Variants in DLGAP3 observed in about 807,000 individuals in gnomAD.
DLGAP3 encodes disks large-associated protein 3.
DLGAP3 carries 17 observed loss-of-function variants against 81.2 expected under a neutral mutation model. That is an observed-to-expected ratio of 0.21 (90% confidence interval 0.14 to 0.31). DLGAP3 has a LOEUF of 0.31. Among genes scored for constraint, DLGAP3 ranks in the 10% least tolerant of loss-of-function variants. The probability of loss-of-function intolerance (pLI) is 1.00; values close to 1 mark genes in which losing one functional copy is unlikely to be tolerated. For synonymous variants in DLGAP3, 577 were observed against 587.4 expected, an observed-to-expected ratio of 0.98 and a Z score of 0.26; for missense variants, 1,124 against 1,388.0, an observed-to-expected ratio of 0.81 and a Z score of 3.02.
chr1:34,924,786 G>A (rs906353259), intron 1 of DLGAP3, among the ~76,000 whole-genome samples: 1 of 152,246 alleles, frequency 6.6e-6, no homozygotes, highest in East Asian at 1.9e-4. Context: ...CAAAAGGGGA[G>A]AGGGGCCCCT....
At chr1:34,871,392 C>G (rs1323233049) in intron 8 of DLGAP3, among the ~76,000 whole-genome samples, 3 of 152,166 alleles carry the variant, frequency 2.0e-5, no homozygotes, top group African/African-American at 7.2e-5. Flanking sequence ...CCTGTTTTAC[C>G]TGTTTCACCC....
At chr1:34,925,181 C>A (rs1017719966) in intron 1 of DLGAP3, among the ~76,000 whole-genome samples, 27 of 129,198 alleles carry the variant, frequency 2.1e-4, no homozygotes, top group African/African-American at 1.1e-3. Context: ...GGGCACCTGA[C>A]AACCCCCCCC....
intron 11 of DLGAP3, 84 bp from the exon 12 acceptor site, chr1:34,866,385 G>A: frequency 1.7e-6 from 2 of 1,205,024 alleles, no homozygotes; most frequent in South Asian, 3.2e-5. Flanking sequence ...CGCGCCCAGA[G>A]TGCTGACGAC....
chr1:34,921,176 C>G (rs537856810), intron 1 of DLGAP3, among the ~76,000 whole-genome samples: 6 of 152,190 alleles, frequency 3.9e-5, no homozygotes, highest in Non-Finnish European at 5.9e-5. Flanking sequence ...ACACGTAGCA[C>G]TCACGTTGCT....
chr1:34,904,579 T>C lies in DLGAP3; in HGVS notation c.805A>G (p.Ser269Gly). ...GWWSSDDNLDSDSGFLAGGRP... is the reference protein window; with the variant it reads ...GWWSSDDNLDGDSGFLAGGRP... ...CCACCCGCCAGGAAGCCGCTATCACTGTCCAAGTTGTCATCGGAACTCCAC... is the reference window on the plus strand; with the variant it reads ...CCACCCGCCAGGAAGCCGCTATCACCGTCCAAGTTGTCATCGGAACTCCAC... The change falls in exon 3 of 12, where the codon AGT becomes GGT. Residue 269 changes from serine to glycine, a missense_variant. Around this residue, in one of 9 missense-constraint regions of DLGAP3, gnomAD observed 357 missense variants for 408.8 expected, o/e 0.87. Coordinates refer to ENST00000373347, the MANE Select transcript of DLGAP3 (RefSeq NM_001080418.3). This position sits in a 1 kb window ranked among gnomAD's most constrained non-coding sequence, Gnocchi z 8.1. The C allele has an allele frequency of 6.2e-7, 1 of 1,614,222 alleles. No individual in the cohort carries two copies.
intron 8 of DLGAP3, 36 bp downstream of exon 8, chr1:34,884,942 C>G (rs1639194834): frequency 6.6e-7 from 1 of 1,512,208 alleles, no homozygotes; most frequent in South Asian, 1.1e-5. Context: ...CCTCCTGTCT[C>G]CCAGCGAAGC....
intron 1 of DLGAP3, among the ~76,000 whole-genome samples, chr1:34,928,102 C>T (rs749443226): frequency 5.3e-5 from 8 of 152,110 alleles, no homozygotes; most frequent in Non-Finnish European, 1.2e-4. Context: ...AAGAAGAGTT[C>T]AGAGGGCAGC....
chr1:34,887,012 T>C (rs558600649), intron 5 of DLGAP3, among the ~76,000 whole-genome samples: 15 of 133,856 alleles, frequency 1.1e-4, no homozygotes, highest in African/African-American at 3.7e-4. Flanking sequence ...TGGAGTGCAG[T>C]GGCGCGATCT....
chr1:34,875,924 G>T (rs148164112), intron 8 of DLGAP3, among the ~76,000 whole-genome samples: 1 of 152,308 alleles, frequency 6.6e-6, no homozygotes, highest in East Asian at 1.9e-4. Context: ...GACCCCTCTG[G>T]CAGACTCAAA....
Position 34,885,880 on chromosome 1 carries a change from G to A in DLGAP3, c.1601-89C>T, listed in dbSNP as rs998422020. 12 of 1,218,390 alleles carry A rather than the reference G, an allele frequency of 9.8e-6. No homozygotes were observed. In the African/African-American group the frequency reaches 1.5e-4, roughly 16 times the overall value. The allele number at this position is 1,218,390 out of a possible 1,614,324, so 75.5% of individuals were successfully genotyped here. On this transcript the variant is annotated intron_variant, in intron 6 of 11. Transcript: ENST00000373347. ...CGCGCCCGACTCCCACCCTCAAGAGGCCCTACGGGACCCTGCAGCGGCGCG... is the reference window on the plus strand; with the variant it reads ...CGCGCCCGACTCCCACCCTCAAGAGACCCTACGGGACCCTGCAGCGGCGCG...
Position 34,902,905 on chromosome 1 carries a change from G to A in DLGAP3, c.1107+1372C>T, listed in dbSNP as rs959907082. Among the ~76,000 whole-genome samples the A allele has an allele frequency of 2.0e-5, 3 of 152,110 alleles. No individual in the cohort carries two copies. Among genetic ancestry groups the A allele is most frequent in the Non-Finnish European group, 4.4e-5 (3 of 68,000 alleles). On this transcript the variant is annotated intron_variant, in intron 3 of 11. Transcript: ENST00000373347. The surrounding 1 kb of genome is among the most constrained non-coding windows in gnomAD (Gnocchi z 4.4). ...ATCGGCTATGGGGGAGAAAGGATGG[G>A]TGCTGCCTCCCTGCACCCTGCAGTT... is the stretch of plus-strand genomic sequence containing the variant.
chr1:34,874,722 A>G (rs1364457697), intron 8 of DLGAP3, among the ~76,000 whole-genome samples: 2 of 151,946 alleles, frequency 1.3e-5, no homozygotes, highest in East Asian at 3.9e-4. Flanking sequence ...GCCTCTGGGT[A>G]GAAGCTGGAT....
chr1:34,866,577 G>GTCCCGACCCGAAGGAGGGAGT (rs1553120670), intron 11 of DLGAP3, among the ~76,000 whole-genome samples: 6 of 152,190 alleles, frequency 3.9e-5, no homozygotes, highest in Non-Finnish European at 5.9e-5. Context: ...TTCACTCCGG[G>GTCCCGACCCGAAGGAGGGAGT]TCCCGACCCG....
chr1:34,920,577 C>T (rs1455866071), intron 1 of DLGAP3, among the ~76,000 whole-genome samples: 1 of 152,054 alleles, frequency 6.6e-6, no homozygotes, highest in African/African-American at 2.4e-5. Flanking sequence ...TCTTTTTCTC[C>T]ACTCCCACTG....
chr1:34,891,350 T>C (rs1032021599), intron 5 of DLGAP3, among the ~76,000 whole-genome samples: 1 of 152,194 alleles, frequency 6.6e-6, no homozygotes, highest in Non-Finnish European at 1.5e-5. Context: ...TTGTCAGTTA[T>C]AATATCAAGA....
intron 1 of DLGAP3, among the ~76,000 whole-genome samples, chr1:34,925,856 G>C (rs778712209): frequency 3.3e-5 from 5 of 152,152 alleles, no homozygotes; most frequent in Non-Finnish European, 7.3e-5. Context: ...CTGTCCCTTT[G>C]TTAACAAGAC....
chr1:34,900,342 C>T lies in DLGAP3; in HGVS notation c.1108-69G>A. ...AATCTAGAGGCCAGGACTCTTTCCC[C>T]ACTGCCAGTGGGAGATGCCCTGCCC... On this transcript the variant is annotated intron_variant, in intron 3 of 11. Coordinates refer to ENST00000373347, the MANE Select transcript of DLGAP3 (RefSeq NM_001080418.3). The surrounding 1 kb of genome is among the most constrained non-coding windows in gnomAD (Gnocchi z 5.6). 6.6e-7 allele frequency: 1 copy of T among 1,508,224 alleles called. No homozygotes were observed. Among genetic ancestry groups the T allele is most frequent in the Non-Finnish European group, 9.2e-7 (1 of 1,090,498 alleles). The allele number at this position is 1,508,224 out of a possible 1,614,324, so 93.4% of individuals were successfully genotyped here.
chr1:34,868,659 G>T lies in DLGAP3; in HGVS notation c.2431C>A (p.His811Asn). ...MLRAEVEKLE[H>N]WCQQMEREAE... The stretch of plus-strand genomic sequence containing the variant: ...TCACGCTCCATCTGCTGGCACCAGT[G>T]CTCCAGCTTCTCCACCTCTGCCCGC... The change falls in exon 9 of 12, where the codon CAC becomes AAC. Residue 811 changes from histidine (H) to asparagine (N), a missense_variant. Coordinates refer to ENST00000373347, the MANE Select transcript of DLGAP3 (RefSeq NM_001080418.3). The surrounding 1 kb of genome is among the most constrained non-coding windows in gnomAD (Gnocchi z 7.5). The T allele has an allele frequency of 6.2e-7, 1 of 1,612,902 alleles. No individual in the cohort carries two copies.
rs1381866271 is a variant in DLGAP3, at chr1:34,899,698, C to T, written c.1357G>A (p.Gly453Ser). 1 of 1,613,978 alleles carries T rather than the reference C, an allele frequency of 6.2e-7. No homozygotes were observed. Among genetic ancestry groups the T allele is most frequent in the Non-Finnish European group, 8.5e-7 (1 of 1,180,012 alleles). ...CCAGTGGTGAGGGAACGGCTGTAGC[C>T]AGGGATGGAGCTCCGGGGGTGGATC... ...PRIHPRSSIP[G>S]YSRSLTTGQL... is the part of the protein sequence containing the mutation. Residue 453 changes from glycine to serine, a missense_variant, in exon 5 of 12, where the codon GGC becomes AGC. Physicochemically the swap from Gly to Ser is moderately conservative, Grantham distance 56. Coordinates refer to ENST00000373347, the MANE Select transcript of DLGAP3 (RefSeq NM_001080418.3).
Sources: allele counts gnomAD v4.1 joint callset (sites outside exome capture counted in the v4.1 genomes callset), GRCh38; gene constraint gnomAD v4.1.1; regional missense constraint gnomAD v4.1.1; non-coding constraint Gnocchi (gnomAD v3.1); transcripts MANE v1.5; gene names NCBI Gene and HGNC (gene_info 2026-07-23, HGNC 2026-07-21).